The following IHO1 variants were observed in gnomAD, a reference collection of about 807,000 sequenced individuals.
The protein encoded by IHO1 is interactor of HORMAD1 1, also known as interactor of HORMAD1 protein 1.
In IHO1, 13 loss-of-function variants were observed where a neutral mutation model predicts 31.0. The ratio of observed to expected loss-of-function variants is 0.42; its 90% CI spans 0.27 to 0.67. The LOEUF is 0.67. Among genes scored for constraint, IHO1 ranks in the 30% least tolerant of loss-of-function variants. The probability of loss-of-function intolerance (pLI) is 0.24; values close to 1 mark genes in which losing one functional copy is unlikely to be tolerated. For missense variants in IHO1, 599 were observed against 687.5 expected (o/e 0.87, Z 1.44); for synonymous variants, 221 against 248.4 (o/e 0.89, Z 1.04).
intron 2 of IHO1, among the ~76,000 whole-genome samples, chr3:49,233,069 G>A (rs2046502476): frequency 1.3e-5 from 2 of 152,178 alleles, no homozygotes; most frequent in East Asian, 1.9e-4. Flanking sequence ...AATAGGCACA[G>A]GTGCTGCGTA....
chr3:49,221,197 A>G (rs1470596826), intron 2 of IHO1, among the ~76,000 whole-genome samples: 1 of 151,878 alleles, frequency 6.6e-6, no homozygotes, highest in Non-Finnish European at 1.5e-5. Flanking sequence ...TGGTGCATTT[A>G]CAATCCTTTA....
At chr3:49,220,192 C>T (rs778335833) in intron 2 of IHO1, among the ~76,000 whole-genome samples, 3 of 152,244 alleles carry the variant, frequency 2.0e-5, no homozygotes, top group Admixed American at 6.5e-5. Flanking sequence ...AATATTATAG[C>T]TACATTTGAG....
At chr3:49,247,069 G>A (rs955772075) in intron 6 of IHO1, among the ~76,000 whole-genome samples, 2 of 151,684 alleles carry the variant, frequency 1.3e-5, no homozygotes, top group South Asian at 2.1e-4. Context: ...GGCTGGTCTC[G>A]AACTCCTAAT....
chr3:49,215,241 G>A (rs1437231964), intron 2 of IHO1, among the ~76,000 whole-genome samples: 1 of 151,872 alleles, frequency 6.6e-6, no homozygotes, highest in South Asian at 2.1e-4. Flanking sequence ...GTAAAGACGA[G>A]GTTTCGCTAT....
At chr3:49,237,188 A>C (rs2046570146) in intron 3 of IHO1, among the ~76,000 whole-genome samples, 1 of 151,882 alleles carries the variant, frequency 6.6e-6, no homozygotes, top group Non-Finnish European at 1.5e-5. Context: ...CCTCTACTAA[A>C]AATACAAAAA....
chr3:49,257,533 G>A lies in IHO1; in HGVS notation c.*251G>A. ...AATGGTGCTGATGAAAACTGAGGCA[G>A]CAGCCTGGTTGTGGGGCATCTGGAG... is the stretch of plus-strand genomic sequence containing the variant. On this transcript the variant is annotated 3_prime_UTR_variant, in exon 8 of 8. Transcript: ENST00000452691. The A allele has an allele frequency of 2.3e-6, 1 of 434,402 alleles. No homozygotes were observed. The highest frequency in any genetic ancestry group is 4.2e-6 in the Non-Finnish European group (1 of 239,894). 26.9% of individuals were successfully genotyped at this position (434,402 alleles called of 1,614,324 possible).
At chr3:49,203,982 A>G (rs1160616621) in intron 1 of IHO1, among the ~76,000 whole-genome samples, 1 of 152,218 alleles carries the variant, frequency 6.6e-6, no homozygotes, top group Admixed American at 6.5e-5. Context: ...TTGTGTTGCT[A>G]TAACTGAATA....
chr3:49,251,793 G>T (rs2046763632), intron 6 of IHO1, among the ~76,000 whole-genome samples: 1 of 152,046 alleles, frequency 6.6e-6, no homozygotes, highest in African/African-American at 2.4e-5. Context: ...GTAGAGACGG[G>T]GTTTCTCCAT....
chr3:49,250,489 C>G (rs1033438001), intron 6 of IHO1, among the ~76,000 whole-genome samples: 1 of 152,150 alleles, frequency 6.6e-6, no homozygotes, highest in Admixed American at 6.6e-5. Flanking sequence ...CTTTCTCATG[C>G]TCTGCTTTTG....
intron 2 of IHO1, among the ~76,000 whole-genome samples, chr3:49,233,179 T>G (rs1445855486): frequency 6.6e-6 from 1 of 152,176 alleles, no homozygotes; most frequent in Non-Finnish European, 1.5e-5. Context: ...TTCAGCTGGT[T>G]TAAACAAAAC....
chr3:49,202,566 T>C (rs1261773072), intron 1 of IHO1, among the ~76,000 whole-genome samples: 1 of 149,552 alleles, frequency 6.7e-6, no homozygotes, highest in African/African-American at 2.5e-5. Flanking sequence ...TTAGTAGAGA[T>C]GGGGTTTCAC....
chr3:49,208,000 C>T (rs912320325), intron 1 of IHO1, among the ~76,000 whole-genome samples: 4 of 151,762 alleles, frequency 2.6e-5, no homozygotes, highest in Non-Finnish European at 5.9e-5. Context: ...TCTCGATCTC[C>T]TGACCTTTTG....
chr3:49,197,366 G>A (rs1305224066), upstream of IHO1, among the ~76,000 whole-genome samples: 1 of 150,752 alleles, frequency 6.6e-6, no homozygotes, highest in Admixed American at 6.6e-5. Context: ...CATGATCATG[G>A]CTCACTCTAA....
At chr3:49,250,583 A>G (rs915116665) in intron 6 of IHO1, among the ~76,000 whole-genome samples, 3 of 152,232 alleles carry the variant, frequency 2.0e-5, no homozygotes, top group Admixed American at 1.3e-4. Flanking sequence ...TTTGCTCTCT[A>G]CTATAAATAT....
chr3:49,199,560 G>A lies in IHO1; in HGVS notation c.-29G>A, dbSNP rs924181812. Reference sequence around the variant, plus strand: ...CAGGGCAGCCCCAGGTCGGGCGCGTGCCAGCAGCCAGAGGTGGGGACAGGA... The same window carrying A: ...CAGGGCAGCCCCAGGTCGGGCGCGTACCAGCAGCCAGAGGTGGGGACAGGA... On this transcript the variant is annotated 5_prime_UTR_variant, in exon 1 of 8. Transcript: ENST00000452691. The A allele has an allele frequency of 1.4e-5, 2 of 139,560 alleles. No individual in the cohort carries two copies. Among genetic ancestry groups the A allele is most frequent in the African/African-American group, 5.2e-5 (2 of 38,786 alleles). 8.6% of individuals were successfully genotyped at this position (139,560 alleles called of 1,614,324 possible).
intron 5 of IHO1, 39 bp from the exon 6 acceptor site, chr3:49,244,607 A>G (rs2107731035): frequency 6.4e-7 from 1 of 1,562,640 alleles, no homozygotes; most frequent in East Asian, 2.2e-5. Context: ...AGAATAAGGC[A>G]ATAGCCTGTG....
At chr3:49,227,592 C>T (rs2046431882) in intron 2 of IHO1, among the ~76,000 whole-genome samples, 1 of 152,176 alleles carries the variant, frequency 6.6e-6, no homozygotes, top group African/African-American at 2.4e-5. Flanking sequence ...TGCCTGTCTT[C>T]CTAGATCACA....
intron 1 of IHO1, among the ~76,000 whole-genome samples, chr3:49,204,116 C>T (rs913489242): frequency 1.3e-5 from 2 of 152,186 alleles, no homozygotes; most frequent in Non-Finnish European, 2.9e-5. Flanking sequence ...AATGAACTCA[C>T]TTCTGAATGC....
intron 4 of IHO1, among the ~76,000 whole-genome samples, chr3:49,243,881 A>G (rs1261518217): frequency 3.3e-5 from 5 of 151,250 alleles, no homozygotes; most frequent in Non-Finnish European, 5.9e-5. Flanking sequence ...ATGAATATGG[A>G]TTTTAAAAAG....
Sources: gnomAD v4.1 joint callset for allele counts (sites outside exome capture counted in the v4.1 genomes callset) on GRCh38, gnomAD v4.1.1 for gene constraint, MANE v1.5 for transcripts, NCBI Gene and HGNC (gene_info 2026-07-23, HGNC 2026-07-21) for gene names.